The following KCNT2 variants were observed in gnomAD, a reference collection of about 807,000 sequenced individuals.
KCNT2 encodes the protein potassium sodium-activated channel subfamily T member 2.
Under a neutral mutation model 153.8 loss-of-function variants are expected in KCNT2, and 67 were observed. That is an observed-to-expected ratio of 0.44 (90% CI 0.36 to 0.53). The LOEUF (loss-of-function observed/expected upper bound fraction) is 0.53, where lower values mean the gene tolerates loss of function less well. KCNT2 is among the 20% of genes least tolerant of loss of function. The pLI is 0.00. For missense variants in KCNT2, 975 were observed against 1,354.8 expected (o/e 0.72, Z 4.40); for synonymous variants, 500 against 458.8 (o/e 1.09, Z -1.15).
intron 25 of KCNT2, among the ~76,000 whole-genome samples, chr1:196,277,226 T>C (rs562545347): frequency 6.6e-6 from 1 of 152,130 alleles, no homozygotes; most frequent in African/African-American, 2.4e-5. Context: ...AATTTTTAGT[T>C]GTCTTCTTCT....
intron 25 of KCNT2, among the ~76,000 whole-genome samples, chr1:196,270,430 G>A (rs1437014827): frequency 3.3e-5 from 5 of 151,992 alleles, no homozygotes; most frequent in Non-Finnish European, 7.4e-5. Flanking sequence ...AATTAAGTAT[G>A]TATGCTTAGG....
chr1:196,481,630 A>C (rs919818339), intron 4 of KCNT2, among the ~76,000 whole-genome samples: 3 of 152,210 alleles, frequency 2.0e-5, no homozygotes, highest in Non-Finnish European at 4.4e-5. Context: ...ACAGAAAATA[A>C]AAAGGATCTG....
At chr1:196,426,985 T>C (rs796779290) in intron 10 of KCNT2, among the ~76,000 whole-genome samples, 54 of 152,168 alleles carry the variant, frequency 3.5e-4, no homozygotes, top group African/African-American at 1.3e-3. Context: ...TGTGGAATCG[T>C]AAGCCAATTA....
At chr1:196,334,557 C>T (rs1473204344) in intron 16 of KCNT2, among the ~76,000 whole-genome samples, 1 of 141,914 alleles carries the variant, frequency 7.0e-6, no homozygotes, top group African/African-American at 2.6e-5. Flanking sequence ...TCACTGCAAA[C>T]TCCTCCTCCC....
intron 1 of KCNT2, among the ~76,000 whole-genome samples, chr1:196,600,677 A>C (rs1451959968): frequency 6.6e-6 from 1 of 152,050 alleles, no homozygotes; most frequent in Non-Finnish European, 1.5e-5. Flanking sequence ...ACAGATTAAC[A>C]GTGTTCTATA....
intron 3 of KCNT2, among the ~76,000 whole-genome samples, chr1:196,485,017 A>G (rs1358274713): frequency 6.6e-6 from 1 of 152,112 alleles, no homozygotes; most frequent in East Asian, 1.9e-4. Flanking sequence ...TTGCAGCACT[A>G]TTTAAAATGG....
At chr1:196,367,012 T>C (rs1250558717) in intron 14 of KCNT2, among the ~76,000 whole-genome samples, 2 of 152,170 alleles carry the variant, frequency 1.3e-5, no homozygotes, top group Non-Finnish European at 2.9e-5. Context: ...AAAACCAGTG[T>C]TCTTTCCTCT....
At chr1:196,317,453 A>G (rs956840982) in intron 20 of KCNT2, among the ~76,000 whole-genome samples, 4 of 151,722 alleles carry the variant, frequency 2.6e-5, no homozygotes, top group East Asian at 3.9e-4. Context: ...AGAAAGAGTT[A>G]GATGGAAAAT....
At chr1:196,371,041 T>A (rs902245147) in intron 14 of KCNT2, among the ~76,000 whole-genome samples, 2 of 151,586 alleles carry the variant, frequency 1.3e-5, no homozygotes, top group Admixed American at 1.3e-4. Flanking sequence ...CAAAACCAAA[T>A]TATTTAAAAT....
chr1:196,383,142 T>C (rs1362582242), intron 13 of KCNT2, among the ~76,000 whole-genome samples: 1 of 152,114 alleles, frequency 6.6e-6, no homozygotes, highest in African/African-American at 2.4e-5. Context: ...TCTAAACTGA[T>C]GATGAAATGG....
In KCNT2 at chr1:196,235,968, G is replaced by A. The variant is rs770424892; in HGVS notation, c.3296+18C>T. ...TTCTAAAAATATCTGTCTTATATGA[G>A]ATATGAGATCAACTTACACAACATC... On this transcript the variant is annotated intron_variant, in intron 27 of 27. Transcript: ENST00000294725. 6 of 1,444,482 alleles carry A rather than the reference G, an allele frequency of 4.2e-6. No homozygotes were observed. In the Admixed American group the frequency reaches 8.5e-5, roughly 20 times the overall value. 89.5% of individuals were successfully genotyped at this position (1,444,482 alleles called of 1,614,324 possible).
chr1:196,335,133 C>G (rs1359227655), intron 16 of KCNT2, among the ~76,000 whole-genome samples: 1 of 152,140 alleles, frequency 6.6e-6, no homozygotes, highest in African/African-American at 2.4e-5. Flanking sequence ...CATCATATTT[C>G]ATAATTACTT....
chr1:196,529,139 T>C (rs1654619504), intron 1 of KCNT2, among the ~76,000 whole-genome samples: 1 of 152,086 alleles, frequency 6.6e-6, no homozygotes, highest in South Asian at 2.1e-4. Flanking sequence ...GCAAAGTAAC[T>C]TAAAAATAAA....
intron 14 of KCNT2, among the ~76,000 whole-genome samples, chr1:196,367,643 T>A (rs553342890): frequency 1.3e-5 from 2 of 152,346 alleles, no homozygotes; most frequent in East Asian, 3.9e-4. Context: ...TTGCTATGTA[T>A]AATTTTTAAT....
chr1:196,422,072 A>T (rs1284338254), intron 12 of KCNT2, among the ~76,000 whole-genome samples: 1 of 152,026 alleles, frequency 6.6e-6, no homozygotes, highest in Non-Finnish European at 1.5e-5. Flanking sequence ...CAACGCAGGA[A>T]TTTTGTAGGC....
intron 12 of KCNT2, among the ~76,000 whole-genome samples, chr1:196,420,497 T>C (rs923860386): frequency 4.0e-5 from 6 of 151,754 alleles, no homozygotes; most frequent in African/African-American, 1.5e-4. Flanking sequence ...AGGAGTTGAG[T>C]GGAGGCAGAG....
At chr1:196,495,369 A>C (rs1413705536) in intron 1 of KCNT2, among the ~76,000 whole-genome samples, 1 of 152,016 alleles carries the variant, frequency 6.6e-6, no homozygotes, top group African/African-American at 2.4e-5. Context: ...TTTAGCACCC[A>C]GGTATTTAGT....
intron 8 of KCNT2, among the ~76,000 whole-genome samples, chr1:196,449,213 C>T (rs1046036686): frequency 7.3e-5 from 11 of 151,578 alleles, no homozygotes; most frequent in South Asian, 2.1e-4. Flanking sequence ...AGTGGTTTTC[C>T]ACCTTCACAG....
At chr1:196,341,926 G>T (rs573784481) in intron 15 of KCNT2, among the ~76,000 whole-genome samples, 153 bp downstream of exon 15, 1 of 151,926 alleles carries the variant, frequency 6.6e-6, no homozygotes, top group South Asian at 2.1e-4. Context: ...CAGACACCAG[G>T]GTTCAAATGT....
Sources: gnomAD v4.1 joint callset for allele counts (sites outside exome capture counted in the v4.1 genomes callset) on GRCh38, gnomAD v4.1.1 for gene constraint, MANE v1.5 for transcripts, NCBI Gene and HGNC (gene_info 2026-07-23, HGNC 2026-07-21) for gene names.